CDH20: variants seen among roughly 807,000 people sequenced by gnomAD.
The protein encoded by CDH20 is cadherin 20.
Under a neutral mutation model 74.2 loss-of-function variants are expected in CDH20, and 29 were observed. That is an observed-to-expected ratio of 0.39 (90% CI 0.29 to 0.53). The LOEUF is 0.53. Ranked by LOEUF, CDH20 falls within the 20% of genes least tolerant of loss-of-function variation. The pLI is 0.69. For missense variants in CDH20, 988 were observed against 1,048.3 expected (o/e 0.94, Z 0.79); for synonymous variants, 469 against 405.4 (o/e 1.16, Z -1.88).
chr18:61,483,051 G>A (rs1378310147), intron 1 of CDH20, among the ~76,000 whole-genome samples: 1 of 152,152 alleles, frequency 6.6e-6, no homozygotes, highest in African/African-American at 2.4e-5. Context: ...AACTGGGAAT[G>A]CCCTTTTATT....
intron 1 of CDH20, among the ~76,000 whole-genome samples, chr18:61,422,334 T>C (rs73963091): frequency 6.6e-6 from 1 of 152,296 alleles, no homozygotes; most frequent in African/African-American, 2.4e-5. Flanking sequence ...GTTGTCAATT[T>C]CTCTATCTTT....
rs144534689 is a variant in CDH20 at position 61,380,639 on chromosome 18, G to A, written c.-153+46812G>A. ...AGCCTGACCAACATGTTGAAATCCCGTCTCTACTAAAACTACAAAATTAGC... is the reference window on the plus strand; with the variant it reads ...AGCCTGACCAACATGTTGAAATCCCATCTCTACTAAAACTACAAAATTAGC... On this transcript the variant is annotated intron_variant, in intron 1 of 11. Transcript: ENST00000262717. 4.7e-4 allele frequency among the ~76,000 whole-genome samples: 72 copies of A among 152,200 alleles called. 1 individual carries two copies. In the East Asian group the frequency reaches 0.013, roughly 27 times the overall value.
intron 1 of CDH20, among the ~76,000 whole-genome samples, chr18:61,399,646 T>C (rs1290026226): frequency 6.6e-6 from 1 of 152,180 alleles, no homozygotes; most frequent in East Asian, 1.9e-4. Context: ...AATGCCTCTC[T>C]CCACCCCTGC....
At chr18:61,528,580 C>T (rs1222788880) in intron 7 of CDH20, among the ~76,000 whole-genome samples, 1 of 151,916 alleles carries the variant, frequency 6.6e-6, no homozygotes, top group Non-Finnish European at 1.5e-5. Context: ...TGTTTAGCAG[C>T]ATCTCTGGCC....
At chr18:61,437,657 T>C (rs1403968521) in intron 1 of CDH20, among the ~76,000 whole-genome samples, 1 of 152,142 alleles carries the variant, frequency 6.6e-6, no homozygotes, top group Non-Finnish European at 1.5e-5. Context: ...ATCCTGGAGA[T>C]AGGAGCCTCA....
chr18:61,346,405 A>T (rs1910115869), intron 1 of CDH20, among the ~76,000 whole-genome samples: 1 of 152,228 alleles, frequency 6.6e-6, no homozygotes, highest in Non-Finnish European at 1.5e-5. Flanking sequence ...TATTTATACC[A>T]AATTGAAGGC....
intron 1 of CDH20, among the ~76,000 whole-genome samples, chr18:61,402,332 A>G (rs1040248527): frequency 1.3e-5 from 2 of 152,188 alleles, no homozygotes. Flanking sequence ...AAATTCTCTG[A>G]TAAGATTTAC....
At chr18:61,374,594 A>G (rs1157688616) in intron 1 of CDH20, among the ~76,000 whole-genome samples, 1 of 152,166 alleles carries the variant, frequency 6.6e-6, no homozygotes, top group East Asian at 1.9e-4. Flanking sequence ...TTTGCACAGA[A>G]TTATCTACTC....
chr18:61,410,044 A>G (rs370312646), intron 1 of CDH20, among the ~76,000 whole-genome samples: 9 of 152,222 alleles, frequency 5.9e-5, no homozygotes, highest in Admixed American at 4.6e-4. Context: ...AAGCCAATTC[A>G]GATAATGAAA....
intron 1 of CDH20, among the ~76,000 whole-genome samples, chr18:61,428,599 A>G (rs1219605978): frequency 2.6e-5 from 4 of 152,116 alleles, no homozygotes; most frequent in African/African-American, 9.7e-5. Flanking sequence ...TCAATATCTC[A>G]GCTCTCTTAG....
Position 61,456,842 on chromosome 18 carries a change from G to C in CDH20, c.-152-33560G>C, listed in dbSNP as rs1420007629. Among the ~76,000 whole-genome samples, 19 of 152,198 alleles carry C rather than the reference G, an allele frequency of 1.2e-4. No individual in the cohort carries two copies. The East Asian group carries it at 3.5e-3, about 28-fold the overall frequency. On this transcript the variant is annotated intron_variant, in intron 1 of 11. Coordinates refer to ENST00000262717, the MANE Select transcript of CDH20 (RefSeq NM_031891.4). ...GTGTCTGGTGAGGGTTCTCTTCCTGGTGTGCAGGTGGTTGTCTCTTGGTTG... is the reference window on the plus strand; with the variant it reads ...GTGTCTGGTGAGGGTTCTCTTCCTGCTGTGCAGGTGGTTGTCTCTTGGTTG...
At chr18:61,367,788 C>T (rs1165630640) in intron 1 of CDH20, among the ~76,000 whole-genome samples, 4 of 152,142 alleles carry the variant, frequency 2.6e-5, no homozygotes, top group African/African-American at 9.7e-5. Flanking sequence ...GAAGTCCAAC[C>T]TCCAGACTTC....
chr18:61,438,787 A>G (rs1908921401), intron 1 of CDH20, among the ~76,000 whole-genome samples: 2 of 152,172 alleles, frequency 1.3e-5, no homozygotes, highest in Non-Finnish European at 2.9e-5. Context: ...TCATTCTACC[A>G]AAAAGACACA....
Position 61,554,752 on chromosome 18 carries a change from C to T in CDH20, c.*57C>T. On this transcript the variant is annotated 3_prime_UTR_variant, in exon 12 of 12. Coordinates refer to ENST00000262717, the MANE Select transcript of CDH20 (RefSeq NM_031891.4). ...CCAGACGTTCTCCGCGGGTGCTTCG[C>T]GGACAAGGTGCAGCCAACCACACGA... The T allele has an allele frequency of 6.8e-7, 1 of 1,480,732 alleles. No homozygotes were observed. The highest frequency in any genetic ancestry group is 2.5e-5 in the East Asian group (1 of 40,538). 91.7% of individuals were successfully genotyped at this position (1,480,732 alleles called of 1,614,324 possible). A position where few individuals can be genotyped will look rare whatever the true frequency, so the allele number is the denominator to read the frequency against.
At chr18:61,464,624 C>T (rs1055049117) in intron 1 of CDH20, among the ~76,000 whole-genome samples, 3 of 152,194 alleles carry the variant, frequency 2.0e-5, no homozygotes, top group South Asian at 2.1e-4. Flanking sequence ...CAGGAGCTGA[C>T]AGTTCCCTGC....
At chr18:61,545,188 A>T (rs374661229) in intron 10 of CDH20, 44 bp downstream of exon 10, 1 of 1,255,914 alleles carries the variant, frequency 8.0e-7, no homozygotes, top group Non-Finnish European at 1.2e-6. Flanking sequence ...TCTACAGCAT[A>T]GGCCAGCTAC....
intron 1 of CDH20, among the ~76,000 whole-genome samples, chr18:61,362,583 A>G (rs988137063): frequency 3.9e-5 from 6 of 152,182 alleles, no homozygotes; most frequent in South Asian, 2.1e-4. Context: ...TTAGACAGTA[A>G]TAAGTACTAC....
chr18:61,531,296 A>T (rs1330608736), intron 7 of CDH20, among the ~76,000 whole-genome samples: 1 of 152,182 alleles, frequency 6.6e-6, no homozygotes, highest in Admixed American at 6.5e-5. Context: ...CTCCCATGCG[A>T]CATTCACTAT....
rs1911281851 is a variant in CDH20 at position 61,499,391 on chromosome 18, T to C, written c.452T>C (p.Phe151Ser). The C allele has an allele frequency of 6.2e-7, 1 of 1,613,950 alleles. No individual in the cohort carries two copies. The highest frequency in any genetic ancestry group is 1.7e-5 in the Admixed American group (1 of 59,998). Residue 151 changes from phenylalanine (F) to serine (S), a missense_variant, in exon 3 of 12, where the codon TTC (phenylalanine) becomes TCC (serine). Phe to Ser is a radical substitution (Grantham distance 155). Coordinates refer to ENST00000262717, the MANE Select transcript of CDH20 (RefSeq NM_031891.4). ...TGRPMEPESE[F>S]IIKIQDINDN... ...AGGCCAATGGAGCCCGAGTCAGAGT[T>C]CATCATCAAAATTCAAGACATCAAT... is the stretch of plus-strand genomic sequence containing the variant.
Sources: allele counts gnomAD v4.1 joint callset (sites outside exome capture counted in the v4.1 genomes callset), GRCh38; gene constraint gnomAD v4.1.1; transcripts MANE v1.5; gene names NCBI Gene and HGNC (gene_info 2026-07-23, HGNC 2026-07-21).